The following GPM6B variants were observed in gnomAD, a reference collection of about 807,000 sequenced individuals.
GPM6B encodes neuronal membrane glycoprotein M6-b.
GPM6B carries 4 observed loss-of-function variants against 27.2 expected under a neutral mutation model. The observed-to-expected ratio is 0.15, with a 90% CI of 0.07 to 0.34. GPM6B has a LOEUF of 0.34. Ranked by LOEUF, GPM6B falls within the 10% of genes least tolerant of loss-of-function variation. GPM6B has a pLI of 1.00. For missense variants in GPM6B, 183 were observed against 261.9 expected (o/e 0.70, Z 2.08); for synonymous variants, 124 against 103.1 (o/e 1.20, Z -1.23).
At chrX:13,852,939 C>G (rs1198037537) in intron 1 of GPM6B, among the ~76,000 whole-genome samples, 2 of 109,839 alleles carry the variant, frequency 1.8e-5, no homozygotes, top group Non-Finnish European at 3.8e-5. Flanking sequence ...CGCCACCATG[C>G]CCAGCCAAAA....
At chrX:13,782,106 A>T (rs1376078163) in intron 4 of GPM6B, among the ~76,000 whole-genome samples, 1 of 112,259 alleles carries the variant, frequency 8.9e-6, no homozygotes, top group Admixed American at 9.4e-5. Flanking sequence ...TGTTAAGCGT[A>T]TGGATGAAAC....
At chrX:13,848,568 T>C (rs914094046) in intron 1 of GPM6B, among the ~76,000 whole-genome samples, 3 of 112,215 alleles carry the variant, frequency 2.7e-5, no homozygotes, top group Non-Finnish European at 5.6e-5. Flanking sequence ...AATACAACTT[T>C]ACACAAACTA....
intron 1 of GPM6B, among the ~76,000 whole-genome samples, chrX:13,931,315 C>T (rs770355599): frequency 4.5e-4 from 49 of 109,892 alleles, no homozygotes; most frequent in Admixed American, 3.2e-3. Context: ...GGTGAAACCC[C>T]ATCTCTACTA....
rs900045194 is a variant in GPM6B at position 13,840,097 on chromosome X, C to T, written c.-197-54289G>A. The stretch of plus-strand genomic sequence containing the variant: ...CAAAAGTACAATCCACAAATGAAAA[C>T]AATTGGCAATGTGGACCTTATTAAA... On this transcript the variant is annotated intron_variant, in intron 1 of 6. Transcript: ENST00000398361. Among the ~76,000 whole-genome samples, 5 of 112,249 alleles carry T rather than the reference C, an allele frequency of 4.5e-5. No individual in the cohort carries two copies. The Admixed American group carries it at 4.7e-4, about 11-fold the overall frequency.
Position 13,783,353 on chromosome X carries a change from G to A in GPM6B, c.525+12C>T, listed in dbSNP as rs930424647. The A allele has an allele frequency of 1.5e-5, 17 of 1,164,083 alleles. No individual in the cohort carries two copies. Among genetic ancestry groups the A allele is most frequent in the Non-Finnish European group, 2.0e-5 (17 of 869,235 alleles). ...GTATATCAAACAATCAGTTATCAGA[G>A]GTTCAACTCACCATTCCACTGATGC... is the stretch of plus-strand genomic sequence containing the variant. On this transcript the variant is annotated intron_variant, in intron 4 of 7. Coordinates refer to ENST00000316715, the MANE Select transcript of GPM6B (RefSeq NM_001001995.3).
At chrX:13,870,080 C>T (rs1170641800) in intron 1 of GPM6B, among the ~76,000 whole-genome samples, 1 of 111,752 alleles carries the variant, frequency 8.9e-6, no homozygotes, top group Non-Finnish European at 1.9e-5. Context: ...CTGCTGTTTC[C>T]TCATGATTCA....
intron 2 of GPM6B, among the ~76,000 whole-genome samples, chrX:13,799,532 G>C (rs752628284): frequency 9.1e-6 from 1 of 109,844 alleles, no homozygotes; most frequent in East Asian, 2.8e-4. Flanking sequence ...CAGAGTGCAA[G>C]GTCTTGACCA....
chrX:13,877,619 C>T (rs1348050491), intron 1 of GPM6B, among the ~76,000 whole-genome samples: 5 of 107,205 alleles, frequency 4.7e-5, no homozygotes, highest in African/African-American at 1.7e-4. Context: ...CCCAGGAGTT[C>T]AAGACCAGCC....
intron 3 of GPM6B, among the ~76,000 whole-genome samples, chrX:13,785,342 T>TCGGCTCAC (rs1197580086): frequency 9.0e-6 from 1 of 111,560 alleles, no homozygotes; most frequent in Non-Finnish European, 1.9e-5. Flanking sequence ...TGTTGCCATC[T>TCGGCTCAC]CGGCTCACCA....
At chrX:13,872,442 T>C (rs894904537) in intron 1 of GPM6B, among the ~76,000 whole-genome samples, 6 of 111,036 alleles carry the variant, frequency 5.4e-5, no homozygotes, top group Non-Finnish European at 1.1e-4. Context: ...AGTGCTGGGA[T>C]TACAGGCGTG....
intron 2 of GPM6B, among the ~76,000 whole-genome samples, chrX:13,801,222 AAGAGGCCAG>A (rs1176783830): frequency 2.7e-5 from 3 of 111,474 alleles, no homozygotes; most frequent in African/African-American, 9.8e-5. Flanking sequence ...AAGGACCTGA[AAGAGGCCAG>A]AGGGGCTGAG....
In GPM6B at chrX:13,772,086, T is replaced by TA. The variant is rs1174392182; in HGVS notation, c.*794dup. The TA allele has an allele frequency of 8.9e-6, 1 of 112,474 alleles. No individual in the cohort carries two copies. The highest frequency in any genetic ancestry group is 3.2e-5 in the African/African-American group (1 of 30,906). The allele number at this position is 112,474 out of a possible 1,213,427, so 9.3% of individuals were successfully genotyped here. On this transcript the variant is annotated 3_prime_UTR_variant, in exon 8 of 8. Transcript: ENST00000316715. ...GATATTTGGGTCTCTAGTTATGATA[T>TA]AAATTCTTAGAAATTTAAAGCAAAT...
At chrX:13,778,255 G>A (rs887556354) in intron 5 of GPM6B, among the ~76,000 whole-genome samples, 1 of 108,666 alleles carries the variant, frequency 9.2e-6, no homozygotes, top group Non-Finnish European at 1.9e-5. Context: ...CACCATCTTA[G>A]CCAGGCTGGT....
chrX:13,817,244 GA>G (rs2049254943), upstream of GPM6B: 17 of 830,803 alleles, frequency 2.0e-5, no homozygotes, highest in South Asian at 9.7e-4. Context: ...GGGGGAGAAG[GA>G]CCTGCTCCCC....
intron 6 of GPM6B, among the ~76,000 whole-genome samples, chrX:13,777,057 T>C (rs1356588870): frequency 9.0e-6 from 1 of 111,405 alleles, no homozygotes; most frequent in Admixed American, 9.5e-5. Context: ...GAGAAGAATC[T>C]AGATATATTA....
chrX:13,890,198 G>A (rs1031462519), intron 1 of GPM6B, among the ~76,000 whole-genome samples: 2 of 111,285 alleles, frequency 1.8e-5, no homozygotes, highest in Admixed American at 1.9e-4. Flanking sequence ...AAACCAAGAC[G>A]GTGATGAGAG....
chrX:13,922,634 C>T (rs906291446), intron 1 of GPM6B, among the ~76,000 whole-genome samples: 26 of 112,119 alleles, frequency 2.3e-4, no homozygotes, highest in Admixed American at 2.2e-3. Flanking sequence ...TGCTATGTCA[C>T]TTGTCATGTT....
intron 1 of GPM6B, among the ~76,000 whole-genome samples, chrX:13,916,797 C>G (rs1297347036): frequency 9.1e-6 from 1 of 109,949 alleles, no homozygotes; most frequent in Non-Finnish European, 1.9e-5. Flanking sequence ...TCGAAACTTT[C>G]AAGTCCACTG....
intron 1 of GPM6B, among the ~76,000 whole-genome samples, chrX:13,810,861 A>G (rs777066094): frequency 9.0e-6 from 1 of 111,698 alleles, no homozygotes; most frequent in Non-Finnish European, 1.9e-5. Flanking sequence ...TTTTTACAAC[A>G]GTAAATCTTT....
Sources: allele counts gnomAD v4.1 joint callset (sites outside exome capture counted in the v4.1 genomes callset), GRCh38; gene constraint gnomAD v4.1.1; transcripts MANE v1.5; gene names NCBI Gene and HGNC (gene_info 2026-07-23, HGNC 2026-07-21).